The following NBPF20 variants were observed in gnomAD, a reference collection of about 807,000 sequenced individuals.
NBPF20 encodes NBPF member 20, also known as NBPF family member NBPF20.
Under a neutral mutation model 68.1 loss-of-function variants are expected in NBPF20, and 90 were observed. That is an observed-to-expected ratio of 1.32 (90% CI 1.11 to 1.58). The LOEUF is 1.58. NBPF20 is among the 40% of genes most tolerant of loss of function. The pLI, the probability that NBPF20 is intolerant of heterozygous loss-of-function variation, is 0.00. For synonymous variants in NBPF20, 290 were observed against 228.1 expected (o/e 1.27, Z -2.45); for missense variants, 816 against 601.2 (o/e 1.36, Z -3.74).
the NBPF20 span, among the ~76,000 whole-genome samples, chr1:145,425,407 A>AGCCGCGCC: frequency 6.6e-6 from 1 of 152,082 alleles, no homozygotes; most frequent in African/African-American, 2.4e-5. Flanking sequence ...TCCAGACGGC[A>AGCCGCGCC]GCCGCGCCGC....
intron 83 of NBPF20, among the ~76,000 whole-genome samples, 151 bp from the exon 89 acceptor site, chr1:145,334,782 A>T (rs1305789929): frequency 7.7e-6 from 1 of 130,054 alleles, no homozygotes; most frequent in Admixed American, 7.7e-5. Flanking sequence ...TTATGTTGGG[A>T]TAGACCAGGG....
At chr1:145,377,615 T>A (rs1164603352) in intron 29 of NBPF20, among the ~76,000 whole-genome samples, 177 bp from the exon 35 acceptor site, 1 of 138,770 alleles carries the variant, frequency 7.2e-6, no homozygotes, top group African/African-American at 2.6e-5. Flanking sequence ...TAGAAAAGAA[T>A]GAAAGAGAAA....
chr1:145,420,355 AT>A, the NBPF20 span, among the ~76,000 whole-genome samples: 3 of 151,246 alleles, frequency 2.0e-5, no homozygotes, highest in African/African-American at 7.3e-5. Flanking sequence ...ACAAATATTA[AT>A]TCAGTATCTG....
At chr1:145,404,612 C>T (rs1448826838) in intron 2 of NBPF20, among the ~76,000 whole-genome samples, 5 of 152,180 alleles carry the variant, frequency 3.3e-5, no homozygotes, top group Non-Finnish European at 5.9e-5. Context: ...CTATTAGGAG[C>T]AGACTCCTCT....
intron 137 of NBPF20, among the ~76,000 whole-genome samples, chr1:145,292,161 C>A (rs1279325711): frequency 6.7e-6 from 1 of 149,852 alleles, no homozygotes; most frequent in Non-Finnish European, 1.5e-5. Context: ...CATGAGAGTA[C>A]AGCTTTTGAA....
intron 7 of NBPF20, among the ~76,000 whole-genome samples, chr1:145,398,322 T>TA (rs1400228448): frequency 6.6e-6 from 1 of 151,606 alleles, no homozygotes; most frequent in Non-Finnish European, 1.5e-5. Flanking sequence ...ATTGACCACA[T>TA]AGTTGGAGGT....
exon 2 of NBPF20, chr1:145,405,254 G>T (rs201343594): frequency 2.5e-4 from 410 of 1,609,694 alleles, no homozygotes; most frequent in Middle Eastern, 6.6e-4. Flanking sequence ...CTGGACCAAG[G>T]GCCGGCTGAT....
the NBPF20 span, among the ~76,000 whole-genome samples, chr1:145,424,721 C>T: frequency 3.9e-5 from 6 of 152,316 alleles, no homozygotes; most frequent in Admixed American, 2.0e-4. Flanking sequence ...GACAGACAGA[C>T]ACAGGGAAAT....
At chr1:145,291,420 C>G (rs1661073857) in exon 138 of NBPF20, 1 of 1,608,046 alleles carries the variant, frequency 6.2e-7, no homozygotes, top group Non-Finnish European at 8.5e-7. Context: ...CCCACTGACC[C>G]ATCCTATGTC....
At chr1:145,292,354 T>G in intron 137 of NBPF20, 27 bp downstream of exon 142, 1 of 664,584 alleles carries the variant, frequency 1.5e-6, no homozygotes, top group Admixed American at 2.3e-5. Context: ...AACACAGAAT[T>G]AAGCATCCAC....
intron 129 of NBPF20, among the ~76,000 whole-genome samples, 155 bp from the exon 135 acceptor site, chr1:145,298,289 G>C (rs1309426789): frequency 2.4e-5 from 3 of 126,662 alleles, no homozygotes; most frequent in African/African-American, 1.1e-4. Flanking sequence ...TGTTGGGACA[G>C]AACAGGGCCA....
At chr1:145,290,327 T>A (rs1223219170) in exon 138 of NBPF20, 6 of 149,294 alleles carry the variant, frequency 4.0e-5, no homozygotes, top group Admixed American at 4.0e-4. Flanking sequence ...GACCCCTCCT[T>A]AACCAAGTAA....
At chr1:145,406,478 G>A (rs1662795693), upstream of NBPF20, among the ~76,000 whole-genome samples, 1 of 151,544 alleles carries the variant, frequency 6.6e-6, no homozygotes, top group African/African-American at 2.4e-5. Flanking sequence ...CTATAGCTAG[G>A]GATGGAGTTG....
At chr1:145,410,845 T>C in the NBPF20 span, among the ~76,000 whole-genome samples, 3 of 135,644 alleles carry the variant, frequency 2.2e-5, no homozygotes, top group East Asian at 6.3e-4. Context: ...TATTCCCTAT[T>C]TGGAGATAAT....
intron 83 of NBPF20, among the ~76,000 whole-genome samples, 157 bp from the exon 89 acceptor site, chr1:145,334,788 C>G (rs1661554778): frequency 7.8e-6 from 1 of 128,474 alleles, no homozygotes; most frequent in African/African-American, 2.6e-5. Context: ...TGGGATAGAC[C>G]AGGGCCAGGT....
At chr1:145,377,938 C>T in intron 29 of NBPF20, 105 bp downstream of exon 34, 4 of 401,478 alleles carry the variant, frequency 1.0e-5, no homozygotes, top group East Asian at 5.4e-5. Flanking sequence ...AGGAGTAATT[C>T]AACCTTCGTT....
upstream of NBPF20, chr1:145,405,787 C>T (rs1454271627): frequency 5.8e-6 from 2 of 346,108 alleles, no homozygotes; most frequent in African/African-American, 2.2e-5. Flanking sequence ...ATATTCCTCA[C>T]TGTTTATCTC....
chr1:145,393,372 A>G (rs1472419679), intron 9 of NBPF20, 126 bp from the exon 15 acceptor site: 1 of 711,450 alleles, frequency 1.4e-6, no homozygotes, highest in Non-Finnish European at 2.6e-6. Flanking sequence ...TTAATGAGGT[A>G]AGAAATTATT....
At chr1:145,401,576 GTTC>G (rs1212202763) in intron 4 of NBPF20, among the ~76,000 whole-genome samples, 1 of 129,400 alleles carries the variant, frequency 7.7e-6, no homozygotes, top group Non-Finnish European at 1.7e-5. Flanking sequence ...CTTCTGCTGT[GTTC>G]TTCAGGGACA....
Sources: gnomAD v4.1 joint callset for allele counts (sites outside exome capture counted in the v4.1 genomes callset) on GRCh38, gnomAD v4.1.1 for gene constraint, MANE v1.5 for transcripts, NCBI Gene and HGNC (gene_info 2026-07-23, HGNC 2026-07-21) for gene names.